The following ANKS1B variants were observed in gnomAD, a reference collection of about 807,000 sequenced individuals.
ANKS1B encodes the protein ankyrin repeat and sterile alpha motif domain-containing protein 1B.
Under a neutral mutation model 148.3 loss-of-function variants are expected in ANKS1B, and 36 were observed. The observed-to-expected ratio is 0.24, with a 90% confidence interval of 0.19 to 0.32. The LOEUF (loss-of-function observed/expected upper bound fraction) is 0.32. Among genes scored for constraint, ANKS1B ranks in the 10% least tolerant of loss-of-function variants. ANKS1B has a pLI of 1.00. For missense variants in ANKS1B, 1,157 were observed against 1,542.6 expected (o/e 0.75, Z 4.19); for synonymous variants, 542 against 560.8 (o/e 0.97, Z 0.47).
intron 15 of ANKS1B, among the ~76,000 whole-genome samples, chr12:99,103,778 A>G (rs2058547379): frequency 6.6e-6 from 1 of 152,164 alleles, no homozygotes; most frequent in South Asian, 2.1e-4. Context: ...ATACCTACCT[A>G]CTACAATTAA....
intron 17 of ANKS1B, among the ~76,000 whole-genome samples, chr12:98,859,108 A>G (rs181320615): frequency 1.1e-4 from 17 of 152,324 alleles, no homozygotes; most frequent in African/African-American, 4.1e-4. Flanking sequence ...CTTGTGAACC[A>G]GTTTGATTCC....
At chr12:98,827,391 A>C (rs2099257998) in intron 19 of ANKS1B, among the ~76,000 whole-genome samples, 1 of 152,180 alleles carries the variant, frequency 6.6e-6, no homozygotes, top group South Asian at 2.1e-4. Context: ...CAGGTGCTCT[A>C]GTTCACTACG....
At chr12:99,636,599 T>C (rs2098238895) in intron 9 of ANKS1B, among the ~76,000 whole-genome samples, 1 of 152,164 alleles carries the variant, frequency 6.6e-6, no homozygotes, top group South Asian at 2.1e-4. Flanking sequence ...CAGAAAATTT[T>C]TTTTAAAAAA....
chr12:99,352,865 C>T (rs1431666310), intron 12 of ANKS1B, among the ~76,000 whole-genome samples: 2 of 151,896 alleles, frequency 1.3e-5, no homozygotes, highest in Non-Finnish European at 2.9e-5. Flanking sequence ...TCTAAGTAGT[C>T]GAGTTATAGA....
At chr12:99,676,842 C>T (rs1299695488) in intron 8 of ANKS1B, among the ~76,000 whole-genome samples, 1 of 151,998 alleles carries the variant, frequency 6.6e-6, no homozygotes, top group East Asian at 1.9e-4. Flanking sequence ...CAAGAACTAC[C>T]ACAGATCCCT....
intron 17 of ANKS1B, among the ~76,000 whole-genome samples, chr12:98,878,374 AAAACAAACAAACAAAC>A (rs3051082): frequency 6.7e-6 from 1 of 150,302 alleles, no homozygotes; most frequent in Non-Finnish European, 1.5e-5. Context: ...ACCCTGTCTC[AAAACAAACAAACAAAC>A]AAACAAACAA....
intron 11 of ANKS1B, among the ~76,000 whole-genome samples, chr12:99,405,178 A>C (rs1442339917): frequency 1.4e-5 from 2 of 145,874 alleles, no homozygotes; most frequent in African/African-American, 5.2e-5. Context: ...GTGAAAGAAA[A>C]TGACGTTAAT....
chr12:99,654,891 A>G (rs1481997641), intron 9 of ANKS1B, among the ~76,000 whole-genome samples, 176 bp downstream of exon 9: 1 of 152,232 alleles, frequency 6.6e-6, no homozygotes, highest in Non-Finnish European at 1.5e-5. Flanking sequence ...ATATGTACAC[A>G]TATGCACACC....
chr12:99,388,046 G>C (rs1395291895), intron 12 of ANKS1B, among the ~76,000 whole-genome samples: 2 of 151,958 alleles, frequency 1.3e-5, no homozygotes, highest in Non-Finnish European at 2.9e-5. Flanking sequence ...TAAGACATTT[G>C]GATATTCTTA....
intron 8 of ANKS1B, among the ~76,000 whole-genome samples, chr12:99,755,037 A>G (rs2061440308): frequency 6.6e-6 from 1 of 151,410 alleles, no homozygotes. Flanking sequence ...GACAAAAAAA[A>G]TCCAAAAGAT....
At chr12:98,856,900 G>T (rs1352008232) in intron 17 of ANKS1B, among the ~76,000 whole-genome samples, 3 of 152,160 alleles carry the variant, frequency 2.0e-5, no homozygotes, top group Non-Finnish European at 2.9e-5. Flanking sequence ...CTTTCATTAA[G>T]TAAACACTGC....
chr12:99,378,304 G>A (rs182317529), intron 12 of ANKS1B, among the ~76,000 whole-genome samples: 7 of 152,222 alleles, frequency 4.6e-5, no homozygotes, highest in Non-Finnish European at 1.0e-4. Flanking sequence ...GAAACCCAAT[G>A]AGATTCATAG....
intron 4 of ANKS1B, among the ~76,000 whole-genome samples, chr12:99,782,685 C>G (rs1240890666): frequency 6.6e-6 from 1 of 152,152 alleles, no homozygotes; most frequent in African/African-American, 2.4e-5. Context: ...TGTGACTATG[C>G]AAGAAGCTCA....
intron 17 of ANKS1B, among the ~76,000 whole-genome samples, chr12:99,031,906 CATTGCCCTAATGATGAAACAGAA>C (rs2099952448): frequency 6.6e-6 from 1 of 152,202 alleles, no homozygotes; most frequent in South Asian, 2.1e-4. Flanking sequence ...CAAATAAAAA[CATTGCCCTAATGATGAAACAGAA>C]ATTGGTTACT....
At chr12:99,308,360 T>C (rs1283337770) in intron 12 of ANKS1B, among the ~76,000 whole-genome samples, 1 of 152,010 alleles carries the variant, frequency 6.6e-6, no homozygotes, top group African/African-American at 2.4e-5. Flanking sequence ...GACAAGGGGC[T>C]TTATATTTTT....
intron 19 of ANKS1B, among the ~76,000 whole-genome samples, chr12:98,823,537 T>C (rs1427163468): frequency 6.6e-6 from 1 of 152,286 alleles, no homozygotes; most frequent in Admixed American, 6.5e-5. Context: ...TCACTCAGGC[T>C]GGAGTGCAGT....
intron 8 of ANKS1B, among the ~76,000 whole-genome samples, chr12:99,761,001 T>C (rs904263320): frequency 1.5e-4 from 20 of 133,188 alleles, no homozygotes; most frequent in South Asian, 5.0e-4. Context: ...CAGGAAGACA[T>C]TGAAACCCTG....
chr12:99,080,287 T>C (rs1050749530), intron 16 of ANKS1B, among the ~76,000 whole-genome samples: 2 of 152,166 alleles, frequency 1.3e-5, no homozygotes, highest in African/African-American at 4.8e-5. Context: ...AGGGTGGAGA[T>C]AACAAAGGGC....
chr12:99,294,587 A>G lies in ANKS1B; in HGVS notation c.1757-47723T>C, dbSNP rs543406802. On this transcript the variant is annotated intron_variant, in intron 12 of 26. Transcript: ENST00000683438. ...GGTTAGCGGATACAAAAATACAGTTATAAACAATAATTAACATTTAGTAAT... is the reference window on the plus strand; with the variant it reads ...GGTTAGCGGATACAAAAATACAGTTGTAAACAATAATTAACATTTAGTAAT... Among the ~76,000 whole-genome samples the G allele has an allele frequency of 4.6e-5, 7 of 152,314 alleles. No individual in the cohort carries two copies. In the South Asian group the frequency reaches 1.2e-3, roughly 27 times the overall value.
Sources: allele counts gnomAD v4.1 joint callset (sites outside exome capture counted in the v4.1 genomes callset), GRCh38; gene constraint gnomAD v4.1.1; transcripts MANE v1.5; gene names NCBI Gene and HGNC (gene_info 2026-07-23, HGNC 2026-07-21).